Variants in PPP3CA observed in about 807,000 individuals in gnomAD.
PPP3CA encodes protein phosphatase 3 catalytic subunit alpha.
PPP3CA carries 14 observed loss-of-function variants against 66.5 expected under a neutral mutation model. The ratio of observed to expected loss-of-function variants is 0.21; its 90% CI spans 0.14 to 0.33. The LOEUF is 0.33. Ranked by LOEUF, PPP3CA falls within the 10% of genes least tolerant of loss-of-function variation. The probability of loss-of-function intolerance (pLI) is 1.00; values close to 1 mark genes in which losing one functional copy is unlikely to be tolerated. For synonymous variants in PPP3CA, 232 were observed against 226.2 expected (o/e 1.03, Z -0.23); for missense variants, 317 against 639.5 (o/e 0.50, Z 5.44).
At chr4:101,291,037 G>A (rs893714857) in intron 1 of PPP3CA, among the ~76,000 whole-genome samples, 1 of 152,226 alleles carries the variant, frequency 6.6e-6, no homozygotes, top group Non-Finnish European at 1.5e-5. Context: ...AAAGCACAAT[G>A]TAGGAAAAGC....
intron 8 of PPP3CA, among the ~76,000 whole-genome samples, chr4:101,076,194 T>A (rs1729183723): frequency 6.6e-6 from 1 of 151,944 alleles, no homozygotes; most frequent in Non-Finnish European, 1.5e-5. Flanking sequence ...AATGTTTAAC[T>A]CCAATTTAGA....
chr4:101,296,588 T>C (rs1415274932), intron 1 of PPP3CA, among the ~76,000 whole-genome samples: 2 of 152,144 alleles, frequency 1.3e-5, no homozygotes, highest in African/African-American at 4.8e-5. Context: ...ATTCTCTTTT[T>C]AAAGGTGGAA....
chr4:101,137,990 C>G (rs1722677923), intron 2 of PPP3CA, among the ~76,000 whole-genome samples: 1 of 151,926 alleles, frequency 6.6e-6, no homozygotes, highest in Non-Finnish European at 1.5e-5. Flanking sequence ...AGGTCACTAA[C>G]AAGCGAGCAG....
intron 1 of PPP3CA, among the ~76,000 whole-genome samples, chr4:101,274,211 G>A (rs1204396221): frequency 6.6e-6 from 1 of 152,162 alleles, no homozygotes; most frequent in Non-Finnish European, 1.5e-5. Flanking sequence ...GGCTGAGGTG[G>A]GAGAATTACT....
In PPP3CA at chr4:101,167,804, G is replaced by C. The variant is rs1723740284; in HGVS notation, c.259+28112C>G. ...CTGGCTGGAAAGGACACAAACTACA[G>C]AACATGTGTGAGAAAGAGAAGGGAA... On this transcript the variant is annotated intron_variant, in intron 2 of 13. Transcript: ENST00000394854. Among the ~76,000 whole-genome samples, 4 of 152,128 alleles carry C rather than the reference G, an allele frequency of 2.6e-5. No homozygotes were observed. The South Asian group carries it at 6.2e-4, about 24-fold the overall frequency.
chr4:101,241,245 T>C (rs567482239), intron 1 of PPP3CA, among the ~76,000 whole-genome samples: 88 of 152,230 alleles, frequency 5.8e-4, no homozygotes, highest in African/African-American at 2.1e-3. Context: ...GAGGTAAACC[T>C]TTGCACTCCT....
chr4:101,146,867 C>T (rs1722987107), intron 2 of PPP3CA, among the ~76,000 whole-genome samples: 3 of 152,132 alleles, frequency 2.0e-5, no homozygotes, highest in Admixed American at 6.6e-5. Context: ...TTTGGAATAT[C>T]TGCATTATAC....
At chr4:101,029,044 C>T in intron 13 of PPP3CA, 122 bp downstream of exon 13, 1 of 884,700 alleles carries the variant, frequency 1.1e-6, no homozygotes, top group Non-Finnish European at 1.8e-6. Flanking sequence ...TTGGTTAATA[C>T]TGAGCCACAA....
chr4:101,237,192 T>C (rs1027866194), intron 1 of PPP3CA, among the ~76,000 whole-genome samples: 1 of 126,538 alleles, frequency 7.9e-6, no homozygotes, highest in Non-Finnish European at 1.8e-5. Context: ...ATACAATTTC[T>C]CCTGCAACGT....
At chr4:101,073,309 C>T (rs1729003908) in intron 8 of PPP3CA, among the ~76,000 whole-genome samples, 1 of 148,862 alleles carries the variant, frequency 6.7e-6, no homozygotes. Flanking sequence ...TGGAGTCTCA[C>T]TCTATTGCCC....
At chr4:101,186,054 T>C (rs1724400211) in intron 2 of PPP3CA, among the ~76,000 whole-genome samples, 1 of 152,200 alleles carries the variant, frequency 6.6e-6, no homozygotes, top group Non-Finnish European at 1.5e-5. Flanking sequence ...GGCCAATCAA[T>C]ATTATATTGT....
intron 2 of PPP3CA, among the ~76,000 whole-genome samples, chr4:101,125,827 T>C (rs922012173): frequency 1.3e-5 from 2 of 152,188 alleles, no homozygotes; most frequent in African/African-American, 4.8e-5. Flanking sequence ...TTCATTTATA[T>C]TACAGATCTA....
Position 101,106,463 on chromosome 4 carries a change from A to AGAAAGAAGAGAAGAGAAG in PPP3CA, c.384+2490_384+2491insCTTCTCTTCTCTTCTTTC, listed in dbSNP as rs1560605247. Among the ~76,000 whole-genome samples, 17 of 33,768 alleles carry AGAAAGAAGAGAAGAGAAG rather than the reference A, an allele frequency of 5.0e-4. 2 individuals carry two copies. The highest frequency in any genetic ancestry group is 7.3e-4 in the Admixed American group (3 of 4,116). 22.2% of individuals were successfully genotyped at this position (33,768 alleles called of 152,430 possible). A position where few individuals can be genotyped will look rare whatever the true frequency, so the allele number is the denominator to read the frequency against. ...AAAGAAAGAAAGAAAGAGAAAAGAA[A>AGAAAGAAGAGAAGAGAAG]AGAAAAGAAAAGAAAAGAAAAGAAA... is the stretch of plus-strand genomic sequence containing the variant. On this transcript the variant is annotated intron_variant, in intron 3 of 13. Transcript: ENST00000394854.
chr4:101,274,829 G>A (rs898555380), intron 1 of PPP3CA, among the ~76,000 whole-genome samples: 1 of 152,020 alleles, frequency 6.6e-6, no homozygotes, highest in Non-Finnish European at 1.5e-5. Context: ...TCAAGCTAAA[G>A]TGAAATTGCA....
intron 11 of PPP3CA, among the ~76,000 whole-genome samples, chr4:101,039,144 G>A (rs1427240961): frequency 6.9e-6 from 1 of 144,650 alleles, no homozygotes; most frequent in Admixed American, 6.9e-5. Flanking sequence ...AGGCCTCCTT[G>A]TGGTCCTCAA....
chr4:101,214,756 C>A (rs771846909), intron 1 of PPP3CA, among the ~76,000 whole-genome samples: 1 of 152,082 alleles, frequency 6.6e-6, no homozygotes, highest in Non-Finnish European at 1.5e-5. Flanking sequence ...GGAGATCTCA[C>A]TGAAATAATC....
intron 1 of PPP3CA, among the ~76,000 whole-genome samples, chr4:101,212,854 T>C (rs1301056314): frequency 6.6e-6 from 1 of 152,046 alleles, no homozygotes; most frequent in African/African-American, 2.4e-5. Context: ...AAAAAAAATC[T>C]GGGTGGGCAG....
chr4:101,112,564 T>C (rs777355883), intron 2 of PPP3CA, among the ~76,000 whole-genome samples: 3 of 152,044 alleles, frequency 2.0e-5, no homozygotes, highest in African/African-American at 4.8e-5. Context: ...CATATAATCA[T>C]AGAAAAATTC....
chr4:101,205,658 C>A (rs1725108833), intron 1 of PPP3CA, among the ~76,000 whole-genome samples: 1 of 152,150 alleles, frequency 6.6e-6, no homozygotes, highest in African/African-American at 2.4e-5. Context: ...TGCCCACATG[C>A]CCACCTACCA....
Sources: allele counts gnomAD v4.1 joint callset (sites outside exome capture counted in the v4.1 genomes callset), GRCh38; gene constraint gnomAD v4.1.1; transcripts MANE v1.5; gene names NCBI Gene and HGNC (gene_info 2026-07-23, HGNC 2026-07-21).